The following KCNB2 variants were observed in gnomAD, a reference collection of about 807,000 sequenced individuals.
KCNB2 encodes the protein potassium voltage-gated channel subfamily B member 2, also known as delayed rectifier potassium channel protein.
A neutral mutation model predicts 61.5 loss-of-function variants in KCNB2; 15 were observed. That is an observed-to-expected ratio of 0.24 (90% CI 0.16 to 0.38). The LOEUF (loss-of-function observed/expected upper bound fraction) is 0.38. Among genes scored for constraint, KCNB2 ranks in the 10% least tolerant of loss-of-function variants. The pLI is 1.00. For synonymous variants in KCNB2, 457 were observed against 446.0 expected (o/e 1.02, Z -0.31); for missense variants, 828 against 1,125.2 (o/e 0.74, Z 3.78).
intron 2 of KCNB2, among the ~76,000 whole-genome samples, chr8:72,582,623 C>T (rs7833571): frequency 0.49 from 74,133 of 151,870 alleles, 20,649 homozygotes; most frequent in Non-Finnish European, 0.62. Flanking sequence ...AAAACTTGTA[C>T]GATTTTAGAG....
intron 2 of KCNB2, among the ~76,000 whole-genome samples, chr8:72,928,921 G>A (rs1806713620): frequency 6.7e-6 from 1 of 150,360 alleles, no homozygotes; most frequent in Non-Finnish European, 1.5e-5. Flanking sequence ...TTCTGGAATT[G>A]TATTTAACTG....
intron 2 of KCNB2, among the ~76,000 whole-genome samples, chr8:72,730,494 C>T (rs1308903409): frequency 6.6e-6 from 1 of 152,110 alleles, no homozygotes; most frequent in Non-Finnish European, 1.5e-5. Flanking sequence ...ATTAATCTAG[C>T]AAAGTCTTAC....
At chr8:72,682,565 A>G (rs1235465297) in intron 2 of KCNB2, among the ~76,000 whole-genome samples, 7 of 151,318 alleles carry the variant, frequency 4.6e-5, no homozygotes, top group Non-Finnish European at 1.0e-4. Flanking sequence ...ACAGTTGTCC[A>G]GGAAGTCATG....
At chr8:72,572,346 A>G (rs956488889) in intron 2 of KCNB2, among the ~76,000 whole-genome samples, 1 of 152,174 alleles carries the variant, frequency 6.6e-6, no homozygotes, top group Non-Finnish European at 1.5e-5. Context: ...CTTATTGGAT[A>G]AGAACAGCAG....
chr8:72,549,089 G>A (rs1170129408), intron 1 of KCNB2, among the ~76,000 whole-genome samples: 2 of 152,172 alleles, frequency 1.3e-5, no homozygotes, highest in Admixed American at 6.5e-5. Context: ...CAGGCAGTGA[G>A]GAGCAACCAC....
At chr8:72,704,240 A>C (rs1213811040) in intron 2 of KCNB2, among the ~76,000 whole-genome samples, 1 of 152,216 alleles carries the variant, frequency 6.6e-6, no homozygotes, top group African/African-American at 2.4e-5. Context: ...GTGGAATGGC[A>C]TTAATGACTA....
At chr8:72,745,163 A>C (rs1484269701) in intron 2 of KCNB2, among the ~76,000 whole-genome samples, 2 of 152,238 alleles carry the variant, frequency 1.3e-5, no homozygotes, top group Non-Finnish European at 2.9e-5. Flanking sequence ...CTTGGGAAAG[A>C]AACCTAACAA....
intron 2 of KCNB2, among the ~76,000 whole-genome samples, chr8:72,914,475 G>A (rs1806356349): frequency 6.6e-6 from 1 of 152,102 alleles, no homozygotes; most frequent in African/African-American, 2.4e-5. Context: ...AACTCTTAAT[G>A]GCTTTAGAAG....
chr8:72,542,101 A>G (rs1806197280), intron 1 of KCNB2, among the ~76,000 whole-genome samples: 1 of 152,164 alleles, frequency 6.6e-6, no homozygotes, highest in East Asian at 1.9e-4. Flanking sequence ...TTATGAAAAC[A>G]TAAATTGAGA....
chr8:72,738,084 T>G (rs1807880699), intron 2 of KCNB2, among the ~76,000 whole-genome samples: 1 of 152,260 alleles, frequency 6.6e-6, no homozygotes, highest in African/African-American at 2.4e-5. Context: ...AGAGATTCTT[T>G]AAAAGAGTTC....
intron 2 of KCNB2, among the ~76,000 whole-genome samples, chr8:72,806,369 A>G (rs1313585240): frequency 6.6e-6 from 1 of 151,586 alleles, no homozygotes; most frequent in African/African-American, 2.4e-5. Context: ...AAAAAAAAAA[A>G]AAAAGAATAA....
At chr8:72,831,114 G>A (rs1216383593) in intron 2 of KCNB2, among the ~76,000 whole-genome samples, 1 of 152,196 alleles carries the variant, frequency 6.6e-6, no homozygotes, top group Non-Finnish European at 1.5e-5. Flanking sequence ...TCATGCCGTG[G>A]GTAGTCATGC....
At chr8:72,891,775 G>A (rs1021581318) in intron 2 of KCNB2, among the ~76,000 whole-genome samples, 2 of 152,116 alleles carry the variant, frequency 1.3e-5, no homozygotes, top group Non-Finnish European at 2.9e-5. Context: ...CTAATCTAAA[G>A]GGATGCTTTG....
intron 2 of KCNB2, among the ~76,000 whole-genome samples, chr8:72,694,322 T>C (rs1806984453): frequency 1.3e-5 from 2 of 152,244 alleles, no homozygotes; most frequent in African/African-American, 4.8e-5. Context: ...TATATCCCTT[T>C]CTTCTTGTCT....
At chr8:72,546,331 TG>T (rs1806257674) in intron 1 of KCNB2, among the ~76,000 whole-genome samples, 1 of 151,922 alleles carries the variant, frequency 6.6e-6, no homozygotes, top group Non-Finnish European at 1.5e-5. Flanking sequence ...CCGGCCAACT[TG>T]ATGAAACCCC....
At chr8:72,588,392 T>A (rs572613280) in intron 2 of KCNB2, among the ~76,000 whole-genome samples, 1 of 152,100 alleles carries the variant, frequency 6.6e-6, no homozygotes, top group South Asian at 2.1e-4. Context: ...TAATTTTGTA[T>A]TTTTAGTAGA....
chr8:72,592,859 C>T (rs1488783927), intron 2 of KCNB2, among the ~76,000 whole-genome samples: 4 of 152,094 alleles, frequency 2.6e-5, no homozygotes, highest in African/African-American at 9.7e-5. Flanking sequence ...CCTAATGTAA[C>T]ATACCTTGGC....
At chr8:72,561,745 A>G (rs28720718) in intron 1 of KCNB2, among the ~76,000 whole-genome samples, 3,155 of 30,258 alleles carry the variant, frequency 0.1, 473 homozygotes, top group African/African-American at 0.28. Flanking sequence ...CTATATATAT[A>G]TGTATATATA....
intron 2 of KCNB2, among the ~76,000 whole-genome samples, chr8:72,695,689 C>CT (rs150472496): frequency 7.9e-5 from 12 of 151,580 alleles, no homozygotes; most frequent in Middle Eastern, 3.4e-3. Flanking sequence ...AATACCTACT[C>CT]TTTTTTTTTC....
Sources: gnomAD v4.1 joint callset for allele counts (sites outside exome capture counted in the v4.1 genomes callset) on GRCh38, gnomAD v4.1.1 for gene constraint, MANE v1.5 for transcripts, NCBI Gene and HGNC (gene_info 2026-07-23, HGNC 2026-07-21) for gene names.